Variants in FHOD3 observed in about 807,000 individuals in gnomAD.
The protein encoded by FHOD3 is formin homology 2 domain containing 3, also known as FH1/FH2 domain-containing protein 3.
In FHOD3, 90 loss-of-function variants were observed where a neutral mutation model predicts 173.0. That is an observed-to-expected ratio of 0.52 (90% CI 0.44 to 0.62). The LOEUF is 0.62. FHOD3 is among the 20% of genes least tolerant of loss of function. The probability of loss-of-function intolerance (pLI) is 0.00; values close to 1 mark genes in which losing one functional copy is unlikely to be tolerated. For synonymous variants in FHOD3, 828 were observed against 823.0 expected, an observed-to-expected ratio of 1.01 and a Z score of -0.10; for missense variants, 1,945 against 2,034.7, an observed-to-expected ratio of 0.96 and a Z score of 0.85.
intron 1 of FHOD3, among the ~76,000 whole-genome samples, chr18:36,337,066 G>A (rs1337436384): frequency 2.0e-5 from 3 of 151,324 alleles, no homozygotes; most frequent in East Asian, 1.9e-4. Context: ...CTAGTTACTC[G>A]GGAGGCTGAG....
At chr18:36,675,936 A>C (rs917192069) in intron 14 of FHOD3, among the ~76,000 whole-genome samples, 6 of 152,170 alleles carry the variant, frequency 3.9e-5, no homozygotes, top group African/African-American at 7.2e-5. Flanking sequence ...GGATCTAACT[A>C]TTGATGTTCA....
At chr18:36,538,757 G>C (rs1454615612) in intron 5 of FHOD3, among the ~76,000 whole-genome samples, 1 of 152,234 alleles carries the variant, frequency 6.6e-6, no homozygotes, top group Non-Finnish European at 1.5e-5. Context: ...ACAGGGGTTA[G>C]TGATGGCAGT....
intron 6 of FHOD3, among the ~76,000 whole-genome samples, chr18:36,580,397 G>A (rs965018261): frequency 6.6e-6 from 1 of 152,216 alleles, no homozygotes; most frequent in African/African-American, 2.4e-5. Context: ...GTCATAATGA[G>A]GACAAGAGAG....
At chr18:36,509,426 CA>C (rs34772691) in intron 4 of FHOD3, among the ~76,000 whole-genome samples, 82 of 54,854 alleles carry the variant, frequency 1.5e-3, no homozygotes, top group Middle Eastern at 0.021. Context: ...GACTCCATCT[CA>C]AAAAAAAAAA....
intron 19 of FHOD3, among the ~76,000 whole-genome samples, chr18:36,721,515 A>G (rs970723952): frequency 1.2e-4 from 18 of 152,104 alleles, no homozygotes; most frequent in African/African-American, 4.3e-4. Context: ...GGATGGTAGT[A>G]CATTCCTGTA....
At chr18:36,597,693 T>C (rs1324924616) in intron 7 of FHOD3, among the ~76,000 whole-genome samples, 1 of 152,170 alleles carries the variant, frequency 6.6e-6, no homozygotes, top group Non-Finnish European at 1.5e-5. Context: ...CCCAGAGTGC[T>C]GGGATTACAG....
intron 10 of FHOD3, among the ~76,000 whole-genome samples, chr18:36,646,485 A>G (rs145028530): frequency 9.1e-4 from 139 of 152,336 alleles, no homozygotes; most frequent in African/African-American, 3.2e-3. Flanking sequence ...ATCCCTATCA[A>G]TAGTACAGCA....
At chr18:36,356,204 T>C (rs538703915) in intron 2 of FHOD3, among the ~76,000 whole-genome samples, 1 of 152,390 alleles carries the variant, frequency 6.6e-6, no homozygotes, top group South Asian at 2.1e-4. Context: ...GCAGATGCTA[T>C]AGTAGATAGT....
At chr18:36,306,609 C>G (rs1598641296) in intron 1 of FHOD3, among the ~76,000 whole-genome samples, 1 of 152,214 alleles carries the variant, frequency 6.6e-6, no homozygotes, top group Non-Finnish European at 1.5e-5. Context: ...CTCCCTTAGC[C>G]CTCTTGCCAT....
chr18:36,481,470 T>G (rs2053892626), intron 3 of FHOD3, among the ~76,000 whole-genome samples: 1 of 150,556 alleles, frequency 6.6e-6, no homozygotes, highest in African/African-American at 2.4e-5. Context: ...TTTTTCAGGA[T>G]AGCAGTCACC....
chr18:36,314,178 T>C (rs905938384), intron 1 of FHOD3, among the ~76,000 whole-genome samples: 6 of 152,236 alleles, frequency 3.9e-5, no homozygotes, highest in South Asian at 4.1e-4. Flanking sequence ...CAAAGCCCTG[T>C]TATGGATGAA....
At chr18:36,620,948 G>A (rs769096978) in intron 9 of FHOD3, among the ~76,000 whole-genome samples, 1 of 152,132 alleles carries the variant, frequency 6.6e-6, no homozygotes, top group Non-Finnish European at 1.5e-5. Flanking sequence ...ATTGCAGAGA[G>A]CTTGGTTAGC....
In FHOD3 at chr18:36,423,123, C is replaced by T. The variant is rs868667990; in HGVS notation, c.337+50379C>T. 1.1e-4 allele frequency among the ~76,000 whole-genome samples: 17 copies of T among 152,184 alleles called. No homozygotes were observed. In the East Asian group the frequency reaches 2.9e-3, roughly 26 times the overall value. ...CCCCGGCCCTCGATTCACACCCCCC[C>T]CAAACTTCATGTTCAAATCCTCATT... On this transcript the variant is annotated intron_variant, in intron 3 of 28. Coordinates refer to ENST00000590592, the MANE Select transcript of FHOD3 (RefSeq NM_001281740.3).
chr18:36,690,231 A>G (rs500559), intron 16 of FHOD3, among the ~76,000 whole-genome samples: 104,177 of 152,036 alleles, frequency 0.69, 35,880 homozygotes, highest in African/African-American at 0.74. Context: ...CTTGACAAAC[A>G]TTCAATAAAT....
At chr18:36,448,623 A>G (rs777727573) in intron 3 of FHOD3, among the ~76,000 whole-genome samples, 4 of 152,218 alleles carry the variant, frequency 2.6e-5, no homozygotes, top group East Asian at 3.9e-4. Context: ...TTTTGTTTGG[A>G]CAGCCTTTTC....
intron 2 of FHOD3, among the ~76,000 whole-genome samples, chr18:36,361,147 G>A (rs2046591365): frequency 6.6e-6 from 1 of 152,088 alleles, no homozygotes; most frequent in African/African-American, 2.4e-5. Context: ...TCAGTGACAG[G>A]TTCAAGCTCC....
At chr18:36,661,805 C>T (rs886538389) in intron 14 of FHOD3, among the ~76,000 whole-genome samples, 3 of 152,172 alleles carry the variant, frequency 2.0e-5, no homozygotes, top group Non-Finnish European at 4.4e-5. Flanking sequence ...ATGAATCCAT[C>T]TCCATATCTC....
intron 5 of FHOD3, among the ~76,000 whole-genome samples, chr18:36,575,172 T>G (rs1183694065): frequency 2.0e-5 from 3 of 152,190 alleles, no homozygotes; most frequent in Non-Finnish European, 4.4e-5. Context: ...GGTTTTGCCA[T>G]GTTGGTCAGG....
chr18:36,681,628 C>T, intron 15 of FHOD3, 58 bp downstream of exon 15: 1 of 1,550,950 alleles, frequency 6.4e-7, no homozygotes, highest in Non-Finnish European at 8.8e-7. Flanking sequence ...AGGCATGTGA[C>T]TTTACAACTG....
Sources: allele counts gnomAD v4.1 joint callset (sites outside exome capture counted in the v4.1 genomes callset), GRCh38; gene constraint gnomAD v4.1.1; transcripts MANE v1.5; gene names NCBI Gene and HGNC (gene_info 2026-07-23, HGNC 2026-07-21).